The following TBC1D30 variants were observed in gnomAD, a reference collection of about 807,000 sequenced individuals.
TBC1D30 encodes the protein TBC1 domain family, member 30.
Under a neutral mutation model 63.2 loss-of-function variants are expected in TBC1D30, and 31 were observed. The observed-to-expected ratio is 0.49, with a 90% CI of 0.37 to 0.66. The LOEUF is 0.66. Among genes scored for constraint, TBC1D30 ranks in the 30% least tolerant of loss-of-function variants. The pLI, the probability that TBC1D30 is intolerant of heterozygous loss-of-function variation, is 0.00. For missense variants in TBC1D30, 810 were observed against 953.6 expected, an observed-to-expected ratio of 0.85 and a Z score of 1.98; for synonymous variants, 307 against 361.5, an observed-to-expected ratio of 0.85 and a Z score of 1.71.
intron 1 of TBC1D30, among the ~76,000 whole-genome samples, chr12:64,772,030 G>A (rs1483007269): frequency 1.3e-5 from 2 of 152,062 alleles, no homozygotes; most frequent in Admixed American, 6.5e-5. Context: ...TGAGGCAGGC[G>A]GATCACCTGA....
intron 8 of TBC1D30, among the ~76,000 whole-genome samples, chr12:64,857,355 T>G (rs1877396507): frequency 6.6e-6 from 1 of 152,148 alleles, no homozygotes; most frequent in South Asian, 2.1e-4. Flanking sequence ...GGTTCTCTTT[T>G]GGCCCAGGGT....
intron 2 of TBC1D30, chr12:64,818,441 T>A (rs1873683780): frequency 3.1e-6 from 1 of 324,376 alleles, no homozygotes; most frequent in Non-Finnish European, 4.3e-6. Flanking sequence ...CTGTAAACTA[T>A]TTTTTTTTTT....
intron 2 of TBC1D30, among the ~76,000 whole-genome samples, chr12:64,788,691 T>C (rs1317287759): frequency 6.6e-6 from 1 of 152,154 alleles, no homozygotes; most frequent in African/African-American, 2.4e-5. Flanking sequence ...TATTTTAGAG[T>C]TTGTCTCTTT....
intron 2 of TBC1D30, among the ~76,000 whole-genome samples, chr12:64,807,887 C>A (rs976577956): frequency 4.2e-5 from 6 of 144,286 alleles, no homozygotes; most frequent in African/African-American, 1.7e-4. Flanking sequence ...GTAGCTGGGA[C>A]TACAGGCCCA....
At chr12:64,780,866 CGCG>C in exon 1 of TBC1D30, 2 of 1,012,156 alleles carry the variant, frequency 2.0e-6, no homozygotes, top group Non-Finnish European at 2.4e-6. Flanking sequence ...GCTGGAATTC[CGCG>C]GCGGCGGTGG....
chr12:64,848,436 C>T (rs1313465310), intron 8 of TBC1D30, among the ~76,000 whole-genome samples: 1 of 152,168 alleles, frequency 6.6e-6, no homozygotes, highest in Middle Eastern at 3.4e-3. Context: ...CCCCATACCC[C>T]GCGACAGGCC....
chr12:64,861,768 A>G (rs978236598), intron 8 of TBC1D30, among the ~76,000 whole-genome samples: 1 of 152,190 alleles, frequency 6.6e-6, no homozygotes, highest in Non-Finnish European at 1.5e-5. Flanking sequence ...TGCTATTATT[A>G]GGGTTTATAG....
At position 64,880,108 on chromosome 12, in the gene TBC1D30, C is replaced by T. The variant is rs1879363896; in HGVS notation, c.*4320C>T. On this transcript the variant is annotated 3_prime_UTR_variant, in exon 12 of 12. Coordinates refer to ENST00000539867, the MANE Select transcript of TBC1D30 (RefSeq NM_015279.2). The stretch of plus-strand genomic sequence containing the variant: ...GGAGTTATCTGTTATCCACATCAGG[C>T]AGCTCAGAGTAAAGTCAGCAAGTCT... The T allele has an allele frequency of 6.6e-6, 1 of 152,206 alleles. No individual in the cohort carries two copies. Among genetic ancestry groups the T allele is most frequent in the African/African-American group, 2.4e-5 (1 of 41,450 alleles). The allele number at this position is 152,206 out of a possible 1,614,324, so 9.4% of individuals were successfully genotyped here. A position where few individuals can be genotyped will look rare whatever the true frequency, so the allele number is the denominator to read the frequency against.
intron 2 of TBC1D30, among the ~76,000 whole-genome samples, chr12:64,801,420 T>C (rs1465760673): frequency 2.6e-5 from 4 of 152,230 alleles, no homozygotes; most frequent in Non-Finnish European, 5.9e-5. Context: ...CAACAGTACA[T>C]ATTTATAATC....
chr12:64,766,467 T>A (rs1870717744), intron 1 of TBC1D30, among the ~76,000 whole-genome samples: 1 of 152,112 alleles, frequency 6.6e-6, no homozygotes, highest in African/African-American at 2.4e-5. Flanking sequence ...GGGCATTTTA[T>A]AATGATAAAA....
intron 4 of TBC1D30, 84 bp from the exon 5 acceptor site, chr12:64,832,035 G>C: frequency 7.7e-7 from 1 of 1,304,414 alleles, no homozygotes; most frequent in Non-Finnish European, 1.0e-6. Flanking sequence ...ATTTGACTCT[G>C]TTTATTGAGT....
exon 1 of TBC1D30, chr12:64,759,625 G>A (rs1209768331): frequency 1.3e-5 from 4 of 300,382 alleles, no homozygotes; most frequent in Non-Finnish European, 2.4e-5. Flanking sequence ...GAAAAGGGCG[G>A]AGAACCGGGA....
intron 7 of TBC1D30, among the ~76,000 whole-genome samples, chr12:64,839,351 T>A (rs371940652): frequency 1.1e-4 from 17 of 152,250 alleles, no homozygotes; most frequent in African/African-American, 4.1e-4. Context: ...TGTTGGAATC[T>A]GTTACTGCCA....
At chr12:64,852,013 G>A (rs1010076650) in intron 8 of TBC1D30, among the ~76,000 whole-genome samples, 1 of 151,572 alleles carries the variant, frequency 6.6e-6, no homozygotes, top group African/African-American at 2.4e-5. Flanking sequence ...TGCTCTTCTC[G>A]AGGAGTATCT....
chr12:64,847,085 G>A (rs931993113), intron 8 of TBC1D30, among the ~76,000 whole-genome samples: 4 of 151,892 alleles, frequency 2.6e-5, no homozygotes, highest in Non-Finnish European at 5.9e-5. Flanking sequence ...GTGTGTTCAG[G>A]TTTTGGATTC....
At chr12:64,793,553 T>A (rs1271357049) in intron 2 of TBC1D30, among the ~76,000 whole-genome samples, 5 of 150,580 alleles carry the variant, frequency 3.3e-5, no homozygotes, top group African/African-American at 1.2e-4. Flanking sequence ...CCAGCTACTC[T>A]GGAGGCTGAG....
intron 2 of TBC1D30, among the ~76,000 whole-genome samples, chr12:64,807,109 G>A (rs369640915): frequency 1.3e-5 from 2 of 152,182 alleles, no homozygotes; most frequent in East Asian, 3.9e-4. Flanking sequence ...CACATGTGGA[G>A]GGAAGGACCC....
chr12:64,767,119 C>T (rs1276593851), intron 1 of TBC1D30, among the ~76,000 whole-genome samples: 11 of 151,728 alleles, frequency 7.2e-5, no homozygotes, highest in Non-Finnish European at 1.5e-5. Flanking sequence ...TTAATTTAAC[C>T]TTCTACCTTA....
upstream of TBC1D30, among the ~76,000 whole-genome samples, chr12:64,823,480 T>A (rs1332739687): frequency 6.6e-6 from 1 of 152,180 alleles, no homozygotes; most frequent in Non-Finnish European, 1.5e-5. Flanking sequence ...TATTCATTTA[T>A]AGTCAGGGAC....
Sources: allele counts gnomAD v4.1 joint callset (sites outside exome capture counted in the v4.1 genomes callset), GRCh38; gene constraint gnomAD v4.1.1; transcripts MANE v1.5; gene names NCBI Gene and HGNC (gene_info 2026-07-23, HGNC 2026-07-21).